DDX31: variants seen among roughly 807,000 people sequenced by gnomAD.
DDX31 encodes the protein ATP-dependent DNA helicase DDX31.
A neutral mutation model predicts 91.3 loss-of-function variants in DDX31; 70 were observed. That is an observed-to-expected ratio of 0.77 (90% CI 0.63 to 0.94). The LOEUF (loss-of-function observed/expected upper bound fraction) is 0.94, where lower values mean the gene tolerates loss of function less well. Among genes scored for constraint, DDX31 ranks in the 40% least tolerant of loss-of-function variants. DDX31 has a pLI of 0.00. For synonymous variants in DDX31, 362 were observed against 350.6 expected, an observed-to-expected ratio of 1.03 and a Z score of -0.36; for missense variants, 902 against 925.0, an observed-to-expected ratio of 0.98 and a Z score of 0.32.
intron 1 of DDX31, chr9:132,669,439 T>C (rs764614873): frequency 8.1e-6 from 4 of 494,672 alleles, no homozygotes; most frequent in East Asian, 1.3e-4. Flanking sequence ...TTGTAGGGCA[T>C]GACTCTTCCC....
rs1317525251 is a variant in DDX31, at chr9:132,618,414, T to C, written c.1741A>G (p.Ile581Val). The change falls in exon 18 of 20, where the codon ATC (isoleucine) becomes GTC (valine). Residue 581 changes from isoleucine to valine, a missense_variant. Transcript: ENST00000372159. Reference protein sequence around the residue: ...QKSHAVGPQEIRERATVLQTV... With the variant: ...QKSHAVGPQEVRERATVLQTV... The stretch of plus-strand genomic sequence containing the variant: ...TGCAAGACTGTGGCTCGCTCTCGGA[T>C]TTCCTGGGGGCCAACAGCATGGGAT... 9.9e-6 allele frequency: 16 copies of C among 1,611,618 alleles called. No individual in the cohort carries two copies. In the Admixed American group the frequency reaches 2.4e-4, roughly 24 times the overall value.
chr9:132,628,089 G>C (rs778597300), intron 16 of DDX31, among the ~76,000 whole-genome samples: 1 of 152,206 alleles, frequency 6.6e-6, no homozygotes, highest in Admixed American at 6.5e-5. Context: ...AGCCAATGTA[G>C]GGCCTTTCCT....
At chr9:132,613,669 G>A (rs1215184083) in intron 18 of DDX31, among the ~76,000 whole-genome samples, 1 of 152,154 alleles carries the variant, frequency 6.6e-6, no homozygotes, top group African/African-American at 2.4e-5. Context: ...ACTCCAGCCT[G>A]GGCAACAAGA....
At chr9:132,629,773 T>C (rs1356938140) in intron 16 of DDX31, among the ~76,000 whole-genome samples, 1 of 152,240 alleles carries the variant, frequency 6.6e-6, no homozygotes, top group Non-Finnish European at 1.5e-5. Context: ...ACACACAAGA[T>C]GGCAGCTGAA....
In DDX31 at chr9:132,662,319, A is replaced by C. The variant is rs760407494; in HGVS notation, c.350T>G (p.Val117Gly). 2 of 1,614,104 alleles carry C rather than the reference A, an allele frequency of 1.2e-6. No individual in the cohort carries two copies. Among genetic ancestry groups the C allele is most frequent in the Admixed American group, 3.3e-5 (2 of 60,006 alleles). The change falls in exon 3 of 20, where the codon GTG (valine) becomes GGG (glycine). Residue 117 changes from valine to glycine, a missense_variant. Val to Gly is a moderately radical substitution (Grantham distance 109, BLOSUM62 -3). Coordinates refer to ENST00000372159, the MANE Select transcript of DDX31 (RefSeq NM_022779.9). The part of the protein sequence containing the change: ...PELHRPVVKQ[V>G]QEKVFTSAAF... The stretch of plus-strand genomic sequence containing the variant: ...AGCTGAAGTAAACACTTTTTCTTGC[A>C]CCTGCTTTACCACAGGTCTGCAAAT...
chr9:132,616,487 T>G (rs529718179), intron 18 of DDX31, among the ~76,000 whole-genome samples: 1 of 152,328 alleles, frequency 6.6e-6, no homozygotes, highest in African/African-American at 2.4e-5. Flanking sequence ...CCAAAATATC[T>G]GAGGCATCAC....
chr9:132,642,324 T>G (rs1274436485), intron 13 of DDX31, among the ~76,000 whole-genome samples: 1 of 152,032 alleles, frequency 6.6e-6, no homozygotes, highest in East Asian at 1.9e-4. Context: ...GCAGGCACAC[T>G]CTCCAGGAAT....
At chr9:132,653,644 T>C (rs1834363264) in intron 6 of DDX31, among the ~76,000 whole-genome samples, 1 of 150,746 alleles carries the variant, frequency 6.6e-6, no homozygotes, top group East Asian at 1.9e-4. Context: ...TAAAAACACC[T>C]CTGAGGGGCA....
At chr9:132,605,509 G>A (rs1367434213) in intron 19 of DDX31, among the ~76,000 whole-genome samples, 2 of 152,136 alleles carry the variant, frequency 1.3e-5, no homozygotes, top group African/African-American at 2.4e-5. Context: ...CATTCTGGAT[G>A]AGAAATACGC....
At chr9:132,615,918 T>C (rs1418320076) in intron 18 of DDX31, among the ~76,000 whole-genome samples, 2 of 152,218 alleles carry the variant, frequency 1.3e-5, no homozygotes, top group Non-Finnish European at 2.9e-5. Flanking sequence ...TTTTCTGCCA[T>C]CAAGGCAAAA....
chr9:132,599,934 A>AT (rs2119192114), intron 19 of DDX31, among the ~76,000 whole-genome samples: 1 of 152,374 alleles, frequency 6.6e-6, no homozygotes, highest in South Asian at 2.1e-4. Flanking sequence ...GGGACTGACT[A>AT]TAAGTCTCTA....
intron 16 of DDX31, among the ~76,000 whole-genome samples, chr9:132,627,695 G>A (rs1832479064): frequency 1.3e-5 from 2 of 152,342 alleles, no homozygotes; most frequent in Non-Finnish European, 2.9e-5. Context: ...TCTAGACAGA[G>A]GTGGCAATGG....
At chr9:132,616,212 T>C (rs1196748715) in intron 18 of DDX31, among the ~76,000 whole-genome samples, 1 of 152,184 alleles carries the variant, frequency 6.6e-6, no homozygotes, top group Non-Finnish European at 1.5e-5. Flanking sequence ...AGAGGCGGTG[T>C]TGTCCCAGCC....
intron 14 of DDX31, among the ~76,000 whole-genome samples, chr9:132,636,600 C>T (rs1322982293): frequency 2.6e-5 from 4 of 152,236 alleles, no homozygotes; most frequent in Admixed American, 2.6e-4. Flanking sequence ...CGCCAGCAGC[C>T]TGTCATTGTG....
rs571704474 is a variant in DDX31 at position 132,621,162 on chromosome 9, A to G, written c.1714-2721T>C. ...GATGAAGATTTCACACCTATCAAGAAGCAACAGATGAGTCTAAGATAAATA... is the reference window on the plus strand; with the variant it reads ...GATGAAGATTTCACACCTATCAAGAGGCAACAGATGAGTCTAAGATAAATA... On this transcript the variant is annotated intron_variant, in intron 17 of 19. Coordinates refer to ENST00000372159, the MANE Select transcript of DDX31 (RefSeq NM_022779.9). 1.6e-4 allele frequency among the ~76,000 whole-genome samples: 25 copies of G among 152,354 alleles called. No individual in the cohort carries two copies. The South Asian group carries it at 5.0e-3, about 30-fold the overall frequency.
chr9:132,659,571 T>G, intron 5 of DDX31, 139 bp downstream of exon 5: 1 of 701,390 alleles, frequency 1.4e-6, no homozygotes, highest in Non-Finnish European at 2.4e-6. Context: ...CATTCAGGGC[T>G]CTAATCAAAA....
chr9:132,607,950 C>T (rs893963742), intron 19 of DDX31, among the ~76,000 whole-genome samples: 9 of 152,196 alleles, frequency 5.9e-5, no homozygotes, highest in Admixed American at 3.3e-4. Flanking sequence ...CTGACACGTT[C>T]TACTTGTGTG....
chr9:132,660,502 G>A (rs1335851758), intron 4 of DDX31, among the ~76,000 whole-genome samples: 2 of 152,164 alleles, frequency 1.3e-5, no homozygotes, highest in African/African-American at 4.8e-5. Flanking sequence ...ACTATTCAGA[G>A]AGCCAGCAGC....
intron 19 of DDX31, among the ~76,000 whole-genome samples, chr9:132,607,014 G>C (rs573692569): frequency 8.7e-4 from 132 of 152,312 alleles, no homozygotes; most frequent in African/African-American, 3.2e-3. Context: ...AATTCAGACA[G>C]GAAAAATCTA....
Sources: allele counts gnomAD v4.1 joint callset (sites outside exome capture counted in the v4.1 genomes callset), GRCh38; gene constraint gnomAD v4.1.1; transcripts MANE v1.5; gene names NCBI Gene and HGNC (gene_info 2026-07-23, HGNC 2026-07-21).